Variants in GREB1L observed in about 807,000 individuals in gnomAD.
The protein encoded by GREB1L is GREB1 like retinoic acid receptor coactivator, also known as GREB1-like protein.
In GREB1L, 17 loss-of-function variants were observed where a neutral mutation model predicts 200.8. The observed-to-expected ratio is 0.08, with a 90% CI of 0.06 to 0.13. The LOEUF (loss-of-function observed/expected upper bound fraction) is 0.13, where lower values mean the gene tolerates loss of function less well. GREB1L is among the 10% of genes least tolerant of loss of function. The pLI is 1.00. For missense variants in GREB1L, 1,657 were observed against 2,367.7 expected, an observed-to-expected ratio of 0.70 and a Z score of 6.23; for synonymous variants, 789 against 893.0, an observed-to-expected ratio of 0.88 and a Z score of 2.08.
intron 4 of GREB1L, chr18:21,387,658 C>G (rs1244066574): frequency 6.6e-6 from 1 of 152,060 alleles, no homozygotes; most frequent in Admixed American, 6.5e-5. Flanking sequence ...TTGGGGAGTC[C>G]TAAGGTTTTG....
chr18:21,517,800 A>G (rs1222104030), intron 30 of GREB1L, among the ~76,000 whole-genome samples: 1 of 152,196 alleles, frequency 6.6e-6, no homozygotes, highest in Non-Finnish European at 1.5e-5. Flanking sequence ...GGTAACTTTC[A>G]GAGAAGCCTG....
intron 8 of GREB1L, 140 bp downstream of exon 8, chr18:21,439,777 T>C: frequency 1.6e-6 from 1 of 642,280 alleles, no homozygotes; most frequent in South Asian, 1.9e-5. Context: ...AGTTTGTAAT[T>C]GGTGTGAACA....
At chr18:21,327,467 C>T (rs1003990156) in intron 1 of GREB1L, among the ~76,000 whole-genome samples, 3 of 152,098 alleles carry the variant, frequency 2.0e-5, no homozygotes, top group Admixed American at 6.6e-5. Flanking sequence ...CTCATCTAGA[C>T]CATTGTAGTC....
Position 21,499,876 on chromosome 18 carries a change from A to G in GREB1L, c.3539A>G (p.Glu1180Gly). ...SASSAGAGAG[E>G]TLKQECDSLG... The stretch of plus-strand genomic sequence containing the variant: ...AGCTCAGCTGGAGCCGGAGCCGGGG[A>G]GACTCTGAAGCAGGAATGTGACTCC... The change falls in exon 22 of 33, where the codon GAG (glutamate) becomes GGG (glycine). Residue 1180 changes from glutamate (E) to glycine (G), a missense_variant. Physicochemically the swap from Glu to Gly is moderately conservative, Grantham distance 98. Around this residue, in one of 9 missense-constraint regions of GREB1L, gnomAD observed 512 missense variants for 668.3 expected, o/e 0.77. Coordinates refer to ENST00000424526, the MANE Select transcript of GREB1L (RefSeq NM_001142966.3). 6.4e-7 allele frequency: 1 copy of G among 1,550,620 alleles called. No individual in the cohort carries two copies. The highest frequency in any genetic ancestry group is 8.7e-7 in the Non-Finnish European group (1 of 1,146,620).
chr18:21,287,297 A>G (rs955100467), intron 1 of GREB1L, among the ~76,000 whole-genome samples: 10 of 152,164 alleles, frequency 6.6e-5, no homozygotes, highest in Admixed American at 2.0e-4. Flanking sequence ...ACTCCACACT[A>G]TTGGCACTCT....
chr18:21,442,469 T>C (rs1443369391), intron 10 of GREB1L, among the ~76,000 whole-genome samples: 1 of 152,192 alleles, frequency 6.6e-6, no homozygotes, highest in Non-Finnish European at 1.5e-5. Context: ...GCTGTATAGA[T>C]TAGGAAGCTC....
chr18:21,291,180 A>T (rs1290462561), intron 1 of GREB1L, among the ~76,000 whole-genome samples: 2 of 152,076 alleles, frequency 1.3e-5, no homozygotes, highest in Non-Finnish European at 2.9e-5. Context: ...TACCCTAGCT[A>T]TACTGAGGAC....
In GREB1L at chr18:21,451,019, G is replaced by T; in HGVS notation, c.1721-4G>T. On this transcript the variant is annotated splice_polypyrimidine_tract_variant and splice_region_variant and intron_variant, in intron 12 of 32. Coordinates refer to ENST00000424526, the MANE Select transcript of GREB1L (RefSeq NM_001142966.3). ...AGTCTTCTCTTCTCTCCTCCATCCT[G>T]CAGGTCAGCACCAGTCCCGAGCTCT... The T allele has an allele frequency of 6.4e-7, 1 of 1,551,566 alleles. No individual in the cohort carries two copies. Among genetic ancestry groups the T allele is most frequent in the Non-Finnish European group, 8.7e-7 (1 of 1,146,812 alleles).
intron 1 of GREB1L, among the ~76,000 whole-genome samples, chr18:21,358,742 A>G (rs772403477): frequency 1.1e-4 from 16 of 152,236 alleles, no homozygotes; most frequent in Admixed American, 4.6e-4. Flanking sequence ...TAGCGTGTAC[A>G]CTGCTCAGGT....
intron 1 of GREB1L, among the ~76,000 whole-genome samples, chr18:21,343,237 C>T (rs1158384209): frequency 1.3e-5 from 2 of 152,110 alleles, no homozygotes; most frequent in Non-Finnish European, 2.9e-5. Context: ...ACTAAAGTGC[C>T]CCGACTGGAT....
intron 23 of GREB1L, among the ~76,000 whole-genome samples, chr18:21,501,459 C>T (rs182445908): frequency 9.3e-4 from 141 of 152,244 alleles, no homozygotes; most frequent in Non-Finnish European, 1.5e-3. Context: ...GTTCAGCTCC[C>T]ACCTGTGAGT....
At chr18:21,508,074 G>T (rs1455562526) in intron 25 of GREB1L, 44 bp from the exon 26 acceptor site, 13 of 1,437,160 alleles carry the variant, frequency 9.0e-6, no homozygotes, top group Non-Finnish European at 1.1e-5. Context: ...TTTGGAAACT[G>T]TGGGCTTACT....
At chr18:21,274,700 C>T (rs2038133649) in intron 1 of GREB1L, among the ~76,000 whole-genome samples, 1 of 151,616 alleles carries the variant, frequency 6.6e-6, no homozygotes, top group Non-Finnish European at 1.5e-5. Flanking sequence ...TTGAGACCAG[C>T]CTGGGTGACA....
intron 1 of GREB1L, among the ~76,000 whole-genome samples, chr18:21,268,920 G>T (rs555793449): frequency 6.6e-6 from 1 of 151,956 alleles, no homozygotes; most frequent in African/African-American, 2.4e-5. Flanking sequence ...TGAGGAGATT[G>T]GTCATATCTG....
chr18:21,428,196 C>CAAAAAAAAAAAA (rs60750456), intron 7 of GREB1L, among the ~76,000 whole-genome samples: 2 of 48,138 alleles, frequency 4.2e-5, no homozygotes, highest in Non-Finnish European at 5.4e-5. Context: ...GACTCCGTCT[C>CAAAAAAAAAAAA]AAAAAAAAAA....
At chr18:21,446,314 C>T (rs1286921346) in intron 11 of GREB1L, among the ~76,000 whole-genome samples, 8 of 152,194 alleles carry the variant, frequency 5.3e-5, no homozygotes, top group Admixed American at 6.5e-5. Flanking sequence ...TGAGTCACCA[C>T]GCCCGGCCTC....
At chr18:21,395,724 T>C in intron 5 of GREB1L, among the ~76,000 whole-genome samples, 163 bp downstream of exon 5, 1 of 152,136 alleles carries the variant, frequency 6.6e-6, no homozygotes, top group South Asian at 2.1e-4. Context: ...AACTTCTTTT[T>C]TTTTTTTCTT....
chr18:21,372,221 T>C (rs1196561412), intron 2 of GREB1L, among the ~76,000 whole-genome samples: 1 of 151,302 alleles, frequency 6.6e-6, no homozygotes, highest in Non-Finnish European at 1.5e-5. Flanking sequence ...TGATCTCGGC[T>C]CACTGCAACC....
chr18:21,453,966 G>T (rs1242942299), intron 14 of GREB1L, among the ~76,000 whole-genome samples: 1 of 152,168 alleles, frequency 6.6e-6, no homozygotes. Flanking sequence ...CTGGGTCGGG[G>T]CTGGAGAACT....
Sources: allele counts gnomAD v4.1 joint callset (sites outside exome capture counted in the v4.1 genomes callset), GRCh38; gene constraint gnomAD v4.1.1; regional missense constraint gnomAD v4.1.1; transcripts MANE v1.5; gene names NCBI Gene and HGNC (gene_info 2026-07-23, HGNC 2026-07-21).